The following MYH1 variants were observed in gnomAD, a reference collection of about 807,000 sequenced individuals.
The protein encoded by MYH1 is myosin-1.
Under a neutral mutation model 225.6 loss-of-function variants are expected in MYH1, and 214 were observed. That is an observed-to-expected ratio of 0.95 (90% CI 0.85 to 1.06). MYH1 has a LOEUF of 1.06. Among genes scored for constraint, MYH1 ranks in the 50% least tolerant of loss-of-function variants. The pLI, the probability that MYH1 is intolerant of heterozygous loss-of-function variation, is 0.00. For synonymous variants in MYH1, 774 were observed against 842.3 expected, an observed-to-expected ratio of 0.92 and a Z score of 1.40; for missense variants, 2,098 against 2,344.2, an observed-to-expected ratio of 0.89 and a Z score of 2.17.
chr17:10,499,393 A>G (rs2142260360), intron 28 of MYH1, among the ~76,000 whole-genome samples: 1 of 152,364 alleles, frequency 6.6e-6, no homozygotes, highest in South Asian at 2.1e-4. Flanking sequence ...TCAAGCCAAC[A>G]AAATATTCTA....
intron 39 of MYH1, among the ~76,000 whole-genome samples, 153 bp downstream of exon 39, chr17:10,494,201 C>T (rs1008839663): frequency 6.6e-6 from 1 of 152,168 alleles, no homozygotes; most frequent in Non-Finnish European, 1.5e-5. Context: ...GCTGGCTTGT[C>T]AGGTGGTTGG....
Position 10,505,822 on chromosome 17 carries a change from A to C in MYH1, c.2164T>G (p.Phe722Val), listed in dbSNP as rs1265013833. 6.2e-7 allele frequency: 1 copy of C among 1,613,922 alleles called. No homozygotes were observed. The highest frequency in any genetic ancestry group is 1.7e-5 in the Admixed American group (1 of 60,004). ...GFPSRILYAD[F>V]KQRYKVLNAS... Reference sequence around the variant, plus strand: ...GCAAAAATGTCTGACCTCTGTTTGAAGTCTGCATAAAGGATTCTGCTTGGG... The same window carrying C: ...GCAAAAATGTCTGACCTCTGTTTGACGTCTGCATAAAGGATTCTGCTTGGG... Residue 722 changes from phenylalanine (F) to valine (V), a missense_variant, in exon 19 of 40, where the codon TTC becomes GTC. Coordinates refer to ENST00000226207, the MANE Select transcript of MYH1 (RefSeq NM_005963.4).
rs781292832 is a variant in MYH1, at chr17:10,505,920, T to C, written c.2066A>G (p.Glu689Gly). 6.2e-7 allele frequency: 1 copy of C among 1,614,172 alleles called. No homozygotes were observed. Among genetic ancestry groups the C allele is most frequent in the Non-Finnish European group, 8.5e-7 (1 of 1,180,028 alleles). The change falls in exon 19 of 40, where the codon GAG (glutamate) becomes GGG (glycine). Residue 689 changes from glutamate (E) to glycine (G), a missense_variant. Coordinates refer to ENST00000226207, the MANE Select transcript of MYH1 (RefSeq NM_005963.4). ...CAGCTGATGCAGGACAAGCTCATGC[T>C]CCATGGCACCTAAAAGAATGAATCC... The part of the protein sequence containing the change: ...PNETKTPGAM[E>G]HELVLHQLRC...
Position 10,495,868 on chromosome 17 carries a change from G to A in MYH1, c.5169+82C>T, listed in dbSNP as rs1193116006. On this transcript the variant is annotated intron_variant, in intron 35 of 39. Coordinates refer to ENST00000226207, the MANE Select transcript of MYH1 (RefSeq NM_005963.4). The stretch of plus-strand genomic sequence containing the variant: ...TATCCTTCATGAAATCTTATAAATA[G>A]ATTTCTTAATAGTACCACGATTTCA... 4.0e-6 allele frequency: 6 copies of A among 1,507,768 alleles called. No individual in the cohort carries two copies. In the African/African-American group the frequency reaches 8.4e-5, roughly 21 times the overall value. The allele number at this position is 1,507,768 out of a possible 1,614,324, so 93.4% of individuals were successfully genotyped here. A position where few individuals can be genotyped will look rare whatever the true frequency, so the allele number is the denominator to read the frequency against.
Position 10,492,431 on chromosome 17 carries a change from G to T in MYH1, c.5805C>A (p.Ile1935=). Residue 1935 remains isoleucine (I), a synonymous_variant, in exon 40 of 40, where the codon ATC becomes ATA. Coordinates refer to ENST00000226207, the MANE Select transcript of MYH1 (RefSeq NM_005963.4). ...RVKSREVHTK[I]ISEE ...GTTAGATAAATTACTCTTCACTTAT[G>T]ATTTTTGTGTGAACCTCCCTGCTCT... 6.2e-7 allele frequency: 1 copy of T among 1,613,856 alleles called. No homozygotes were observed. The highest frequency in any genetic ancestry group is 8.5e-7 in the Non-Finnish European group (1 of 1,179,954).
chr17:10,512,435 C>A lies in MYH1; in HGVS notation c.1120G>T (p.Glu374Ter). The A allele has an allele frequency of 1.2e-6, 2 of 1,614,116 alleles. No homozygotes were observed. Among genetic ancestry groups the A allele is most frequent in the Non-Finnish European group, 1.7e-6 (2 of 1,180,012 alleles). ...NMKFKQKQRE[E>*]QAEPDGTEVA... ...TCAGTGCCATCTGGCTCAGCTTGCT[C>A]CTCACGCTGCTTTTGCTTGAATTTC... Residue 374 changes from glutamate (E) to a stop codon, truncating the protein, a stop_gained, in exon 12 of 40, where the codon GAG becomes TAG. Transcript: ENST00000226207. LOFTEE classifies it high-confidence loss of function.
chr17:10,506,900 A>G (rs1291112945), intron 17 of MYH1, among the ~76,000 whole-genome samples: 3 of 152,216 alleles, frequency 2.0e-5, no homozygotes, highest in Admixed American at 6.5e-5. Flanking sequence ...TTCCACAGAA[A>G]GTGGCCTTTA....
intron 19 of MYH1, 116 bp from the exon 20 acceptor site, chr17:10,505,627 C>T (rs2073103943): frequency 2.9e-6 from 4 of 1,393,222 alleles, no homozygotes; most frequent in Non-Finnish European, 2.9e-6. Context: ...GAAATCATAT[C>T]TACCCCTTTA....
intron 15 of MYH1, 151 bp downstream of exon 15, chr17:10,509,334 G>T: frequency 8.0e-7 from 1 of 1,254,810 alleles, no homozygotes; most frequent in Non-Finnish European, 1.1e-6. Context: ...CCTTTTACCA[G>T]AATATCTACT....
chr17:10,507,999 G>T (rs765976747), intron 16 of MYH1, 43 bp from the exon 17 acceptor site: 15 of 1,402,502 alleles, frequency 1.1e-5, no homozygotes, highest in African/African-American at 1.5e-5. Context: ...CCTTTCTCTG[G>T]TTATGGTTTT....
At chr17:10,513,540 C>G in intron 9 of MYH1, 86 bp downstream of exon 9, 1 of 1,310,410 alleles carries the variant, frequency 7.6e-7, no homozygotes, top group Non-Finnish European at 1.1e-6. Flanking sequence ...GCTTTACAAG[C>G]TCCATGTTCA....
Position 10,504,968 on chromosome 17 carries a change from T to G in MYH1, c.2533A>C (p.Lys845Gln). ...ATCTCCTTCTCTGTCTCTGCACTTT[T>G]GAGGAGGGGTTTGATCTTGAAATAC... ...KLYFKIKPLL[K>Q]SAETEKEMAN... The change falls in exon 22 of 40, where the codon AAA becomes CAA. Residue 845 changes from lysine to glutamine, a missense_variant. By Grantham distance (53) the Lys-to-Gln change is moderately conservative. Transcript: ENST00000226207. 6.2e-7 allele frequency: 1 copy of G among 1,614,154 alleles called. No individual in the cohort carries two copies. The highest frequency in any genetic ancestry group is 8.5e-7 in the Non-Finnish European group (1 of 1,180,042).
intron 35 of MYH1, among the ~76,000 whole-genome samples, chr17:10,495,576 A>G (rs2072980813): frequency 6.6e-6 from 1 of 151,734 alleles, no homozygotes; most frequent in East Asian, 1.9e-4. Flanking sequence ...CCTGGCTAAC[A>G]CGGTGAAACC....
In MYH1 at chr17:10,494,690, A is replaced by G. The variant is rs370341533; in HGVS notation, c.5467-17T>C. 6.2e-7 allele frequency: 1 copy of G among 1,612,516 alleles called. No homozygotes were observed. Among genetic ancestry groups the G allele is most frequent in the East Asian group, 2.2e-5 (1 of 44,872 alleles). ...TTCACGAACCTACAAGAAGATGGAC[A>G]TTTTAAGGACATTCATTTGACGAAT... On this transcript the variant is annotated splice_polypyrimidine_tract_variant and intron_variant, in intron 37 of 39. Transcript: ENST00000226207.
At chr17:10,507,704 A>G (rs978527457) in intron 17 of MYH1, among the ~76,000 whole-genome samples, 182 bp downstream of exon 17, 7 of 152,004 alleles carry the variant, frequency 4.6e-5, no homozygotes, top group African/African-American at 1.7e-4. Context: ...TATCTCTTCC[A>G]AACTATCCCC....
At position 10,505,396 on chromosome 17, in the gene MYH1, G is replaced by C. The variant is rs1029861603; in HGVS notation, c.2290C>G (p.His764Asp). The change falls in exon 20 of 40, where the codon CAC (histidine) becomes GAC (aspartate). Residue 764 changes from histidine (H) to aspartate (D), a missense_variant. Transcript: ENST00000226207. ...DIDHTQYKFG[H>D]TKVFFKAGLL... ...GATTTACAGAATATTACCTTGGTGTGACCAAATTTATACTGGGTGTGGTCA... is the reference window on the plus strand; with the variant it reads ...GATTTACAGAATATTACCTTGGTGTCACCAAATTTATACTGGGTGTGGTCA... 1.9e-6 allele frequency: 3 copies of C among 1,614,220 alleles called. No homozygotes were observed. Among genetic ancestry groups the C allele is most frequent in the Admixed American group, 1.7e-5 (1 of 60,024 alleles).
intron 14 of MYH1, among the ~76,000 whole-genome samples, chr17:10,510,724 T>C (rs1027610831): frequency 1.3e-5 from 2 of 152,098 alleles, no homozygotes; most frequent in Non-Finnish European, 2.9e-5. Flanking sequence ...GATTCCATTA[T>C]AAGACATGTC....
intron 36 of MYH1, 26 bp downstream of exon 36, chr17:10,495,166 C>A: frequency 6.2e-7 from 1 of 1,614,210 alleles, no homozygotes; most frequent in Non-Finnish European, 8.5e-7. Flanking sequence ...TTAAGTTTGA[C>A]CACCACTGTG....
chr17:10,497,704 G>T lies in MYH1; in HGVS notation c.4365+30C>A. 2.5e-6 allele frequency: 4 copies of T among 1,612,026 alleles called. No homozygotes were observed. The South Asian group carries it at 4.4e-5, about 18-fold the overall frequency. On this transcript the variant is annotated intron_variant, in intron 31 of 39. Coordinates refer to ENST00000226207, the MANE Select transcript of MYH1 (RefSeq NM_005963.4). ...AGCAGGCTATTGTTAATTCTGTGTT[G>T]AAAGTTGAAGCAAAAACTGGAGAGA...
Sources: allele counts gnomAD v4.1 joint callset (sites outside exome capture counted in the v4.1 genomes callset), GRCh38; gene constraint gnomAD v4.1.1; transcripts MANE v1.5; gene names NCBI Gene and HGNC (gene_info 2026-07-23, HGNC 2026-07-21).